FAM227B: variants seen among roughly 807,000 people sequenced by gnomAD.
The protein encoded by FAM227B is family with sequence similarity 227 member B.
Under a neutral mutation model 73.8 loss-of-function variants are expected in FAM227B, and 88 were observed. That is an observed-to-expected ratio of 1.19 (90% CI 1.00 to 1.42). FAM227B has a LOEUF of 1.42. Ranked by LOEUF, FAM227B falls within the 40% of genes most tolerant of loss-of-function variation. FAM227B has a pLI of 0.00. For synonymous variants in FAM227B, 210 were observed against 190.5 expected, an observed-to-expected ratio of 1.10 and a Z score of -0.84; for missense variants, 632 against 590.9, an observed-to-expected ratio of 1.07 and a Z score of -0.72.
rs2045403540 is a variant in FAM227B, at chr15:49,367,520, A to C, written c.1199T>G (p.Met400Arg). The C allele has an allele frequency of 1.2e-6, 2 of 1,606,754 alleles. No homozygotes were observed. Among genetic ancestry groups the C allele is most frequent in the Non-Finnish European group, 1.7e-6 (2 of 1,178,360 alleles). ...QSPLILYYLK[M>R]HELAGISKAP... ...TTTGGAAATACCAGCCAGCTCATGC[A>C]TCTTAAGATAATATAAAATCAATGG... is the stretch of plus-strand genomic sequence containing the variant. The change falls in exon 13 of 16, where the codon ATG (methionine) becomes AGG (arginine). Residue 400 changes from methionine to arginine, a missense_variant. By Grantham distance (91) the Met-to-Arg change is moderately conservative (BLOSUM62 -1). Coordinates refer to ENST00000299338, the MANE Select transcript of FAM227B (RefSeq NM_152647.3).
At chr15:49,570,405 T>A (rs915831945) in intron 8 of FAM227B, among the ~76,000 whole-genome samples, 2 of 151,948 alleles carry the variant, frequency 1.3e-5, no homozygotes, top group African/African-American at 4.8e-5. Flanking sequence ...CGATTAGTGA[T>A]GTTGAGCAGT....
rs1169224858 is a variant in FAM227B at position 49,328,641 on chromosome 15, G to A, written c.1454C>T (p.Ala485Val). 2 of 1,576,498 alleles carry A rather than the reference G, an allele frequency of 1.3e-6. No individual in the cohort carries two copies. Among genetic ancestry groups the A allele is most frequent in the Non-Finnish European group, 1.7e-6 (2 of 1,157,764 alleles). The change falls in exon 16 of 16, where the codon GCA becomes GTA. Residue 485 changes from alanine (A) to valine (V), a missense_variant. Transcript: ENST00000299338. ...TGATGATGATGATGACGATAGTGAT[G>A]CCACACATTCTCTCTCAATTTCAGC... ...SEAEIERECV[A>V]SLSSSSSSSP...
At chr15:49,397,706 G>C (rs2047795333) in intron 11 of FAM227B, among the ~76,000 whole-genome samples, 1 of 152,144 alleles carries the variant, frequency 6.6e-6, no homozygotes, top group Non-Finnish European at 1.5e-5. Context: ...AAATTTTAAA[G>C]AAAAGAATTT....
intron 9 of FAM227B, among the ~76,000 whole-genome samples, chr15:49,552,512 T>C (rs1171235570): frequency 6.6e-6 from 1 of 152,220 alleles, no homozygotes; most frequent in Non-Finnish European, 1.5e-5. Context: ...ACTTGGATAT[T>C]GGTATTTTTC....
At chr15:49,367,805 C>T (rs924341600) in intron 12 of FAM227B, 197 bp from the exon 13 acceptor site, 3 of 338,346 alleles carry the variant, frequency 8.9e-6, no homozygotes, top group Non-Finnish European at 1.6e-5. Context: ...GGCTCTTCTA[C>T]TCTTTTGAGT....
chr15:49,530,630 G>A (rs191178629), intron 10 of FAM227B, among the ~76,000 whole-genome samples: 67 of 151,842 alleles, frequency 4.4e-4, no homozygotes, highest in African/African-American at 1.6e-3. Context: ...AGAAAAAATT[G>A]AATTGTATGT....
chr15:49,538,501 C>T (rs1251049042), intron 10 of FAM227B, among the ~76,000 whole-genome samples: 1 of 152,168 alleles, frequency 6.6e-6, no homozygotes, highest in Non-Finnish European at 1.5e-5. Context: ...TGAGGTGCTA[C>T]TTCACTTTGG....
At chr15:49,592,305 A>G (rs1264218001) in intron 3 of FAM227B, among the ~76,000 whole-genome samples, 2 of 152,104 alleles carry the variant, frequency 1.3e-5, no homozygotes, top group African/African-American at 4.8e-5. Flanking sequence ...TTGTGGTTTT[A>G]TCTAACTTTG....
At chr15:49,449,859 G>C (rs954546991) in intron 11 of FAM227B, among the ~76,000 whole-genome samples, 1 of 151,952 alleles carries the variant, frequency 6.6e-6, no homozygotes, top group Non-Finnish European at 1.5e-5. Context: ...CTTAACTTTA[G>C]AGATACTGTC....
rs551582428 is a variant in FAM227B, at chr15:49,517,354, T to C, written c.875-9006A>G. On this transcript the variant is annotated intron_variant, in intron 10 of 15. Coordinates refer to ENST00000299338, the MANE Select transcript of FAM227B (RefSeq NM_152647.3). ...AATATATGATACATTAAAGAGAACATTGAATCTAGTATTTTAGATCTATAA... is the reference window on the plus strand; with the variant it reads ...AATATATGATACATTAAAGAGAACACTGAATCTAGTATTTTAGATCTATAA... 8.7e-4 allele frequency among the ~76,000 whole-genome samples: 133 copies of C among 152,292 alleles called. 5 individuals carry two copies. The South Asian group carries it at 0.026, about 30-fold the overall frequency.
At chr15:49,551,775 G>A (rs985999783) in intron 9 of FAM227B, among the ~76,000 whole-genome samples, 3 of 151,916 alleles carry the variant, frequency 2.0e-5, no homozygotes, top group African/African-American at 7.3e-5. Flanking sequence ...TTTTTGGTTT[G>A]AGGTTACCAT....
chr15:49,505,078 A>C (rs1193575267), intron 11 of FAM227B, among the ~76,000 whole-genome samples: 1 of 152,238 alleles, frequency 6.6e-6, no homozygotes, highest in African/African-American at 2.4e-5. Context: ...ATACAAAGGA[A>C]GAGATTATTA....
At chr15:49,534,705 C>CA (rs966486939) in intron 10 of FAM227B, among the ~76,000 whole-genome samples, 1 of 150,972 alleles carries the variant, frequency 6.6e-6, no homozygotes, top group Non-Finnish European at 1.5e-5. Flanking sequence ...TGTTAGGCCA[C>CA]AAAAAAAATT....
At chr15:49,411,098 G>C (rs2048846500) in intron 11 of FAM227B, among the ~76,000 whole-genome samples, 1 of 151,694 alleles carries the variant, frequency 6.6e-6, no homozygotes, top group East Asian at 1.9e-4. Flanking sequence ...TAAAAATGCA[G>C]AGAAAGGGAA....
intron 8 of FAM227B, 61 bp from the exon 9 acceptor site, chr15:49,568,407 T>G: frequency 7.7e-7 from 1 of 1,298,916 alleles, no homozygotes; most frequent in South Asian, 1.3e-5. Context: ...TTTGTTTACA[T>G]GATGACAGCA....
At chr15:49,382,144 A>G (rs892692090) in intron 11 of FAM227B, among the ~76,000 whole-genome samples, 2 of 152,088 alleles carry the variant, frequency 1.3e-5, no homozygotes, top group Non-Finnish European at 2.9e-5. Flanking sequence ...AACTTATTCT[A>G]AAGTGCAAAT....
intron 1 of FAM227B, among the ~76,000 whole-genome samples, chr15:49,617,377 T>C (rs2078357239): frequency 6.6e-6 from 1 of 152,164 alleles, no homozygotes; most frequent in African/African-American, 2.4e-5. Context: ...AACTGCATGT[T>C]ATAAATGAAT....
At chr15:49,587,770 TG>T (rs1026011226) in intron 5 of FAM227B, among the ~76,000 whole-genome samples, 5 of 152,046 alleles carry the variant, frequency 3.3e-5, no homozygotes, top group African/African-American at 1.2e-4. Context: ...AACCAAAAAA[TG>T]TAATAGTATA....
intron 11 of FAM227B, among the ~76,000 whole-genome samples, chr15:49,372,455 A>T (rs2045909679): frequency 6.6e-6 from 1 of 152,142 alleles, no homozygotes; most frequent in South Asian, 2.1e-4. Flanking sequence ...TTTTGCTTCT[A>T]AGTCCAAAGC....
Sources: allele counts gnomAD v4.1 joint callset (sites outside exome capture counted in the v4.1 genomes callset), GRCh38; gene constraint gnomAD v4.1.1; transcripts MANE v1.5; gene names NCBI Gene and HGNC (gene_info 2026-07-23, HGNC 2026-07-21).